The following SORCS1 variants were observed in gnomAD, a reference collection of about 807,000 sequenced individuals.
SORCS1 encodes VPS10 domain-containing receptor SorCS1.
Under a neutral mutation model 146.1 loss-of-function variants are expected in SORCS1, and 60 were observed. The observed-to-expected ratio is 0.41, with a 90% CI of 0.33 to 0.51. The LOEUF is 0.51. SORCS1 is among the 20% of genes least tolerant of loss of function. The pLI, the probability that SORCS1 is intolerant of heterozygous loss-of-function variation, is 0.21. For missense variants in SORCS1, 1,352 were observed against 1,487.6 expected (o/e 0.91, Z 1.50); for synonymous variants, 637 against 584.0 (o/e 1.09, Z -1.31).
At chr10:106,593,495 C>A (rs754872496) in intron 24 of SORCS1, among the ~76,000 whole-genome samples, 1 of 152,140 alleles carries the variant, frequency 6.6e-6, no homozygotes, top group Non-Finnish European at 1.5e-5. Context: ...CTCAATATAG[C>A]AAAAGTTTCC....
At chr10:107,062,581 T>A (rs1000692426) in intron 1 of SORCS1, among the ~76,000 whole-genome samples, 2 of 152,130 alleles carry the variant, frequency 1.3e-5, no homozygotes, top group Non-Finnish European at 2.9e-5. Context: ...TAATGCAGCC[T>A]AGCTGGGACA....
chr10:106,843,876 C>T (rs1429844452), intron 2 of SORCS1, among the ~76,000 whole-genome samples: 1 of 152,206 alleles, frequency 6.6e-6, no homozygotes. Context: ...GAAGCACCAG[C>T]TATCTCAAGA....
chr10:107,144,115 T>G (rs1968090318), intron 1 of SORCS1, among the ~76,000 whole-genome samples: 2 of 152,194 alleles, frequency 1.3e-5, no homozygotes, highest in Admixed American at 1.3e-4. Flanking sequence ...TCTCATGTTT[T>G]CATCTGGAAA....
chr10:107,045,140 A>C (rs1959255983), intron 1 of SORCS1, among the ~76,000 whole-genome samples: 5 of 152,190 alleles, frequency 3.3e-5, no homozygotes, highest in Admixed American at 3.3e-4. Flanking sequence ...TTATTCTGCA[A>C]TGGGGAACTG....
intron 2 of SORCS1, among the ~76,000 whole-genome samples, chr10:106,943,140 A>T (rs1383015136): frequency 6.6e-6 from 1 of 152,096 alleles, no homozygotes; most frequent in Non-Finnish European, 1.5e-5. Flanking sequence ...AGCTGAGCCA[A>T]TGTCTTCTGC....
chr10:106,603,204 C>A (rs1016635210), intron 23 of SORCS1, among the ~76,000 whole-genome samples: 2 of 152,118 alleles, frequency 1.3e-5, no homozygotes, highest in African/African-American at 4.8e-5. Context: ...CCTGAGGACT[C>A]CGAGGGGAGC....
intron 1 of SORCS1, among the ~76,000 whole-genome samples, chr10:107,107,561 T>A (rs1335123726): frequency 6.6e-6 from 1 of 152,128 alleles, no homozygotes; most frequent in Admixed American, 6.5e-5. Context: ...AGAAATGAGG[T>A]AACATCAGCA....
At chr10:107,032,130 T>C (rs117361094) in intron 1 of SORCS1, among the ~76,000 whole-genome samples, 2,121 of 152,286 alleles carry the variant, frequency 0.014, 30 homozygotes, top group Middle Eastern at 0.027. Flanking sequence ...GATTGCAGTT[T>C]GAATTGGATC....
intron 5 of SORCS1, among the ~76,000 whole-genome samples, chr10:106,742,979 G>GTT (rs972260467): frequency 9.8e-5 from 15 of 152,288 alleles, no homozygotes; most frequent in African/African-American, 3.6e-4. Context: ...GGCTGTGCCA[G>GTT]TTTGCTTTTG....
chr10:106,694,462 G>A (rs1564866591), intron 9 of SORCS1, among the ~76,000 whole-genome samples: 1 of 152,028 alleles, frequency 6.6e-6, no homozygotes. Context: ...GGCCAGGCTG[G>A]TCATAAACAC....
upstream of SORCS1, among the ~76,000 whole-genome samples, chr10:107,164,827 G>A (rs1466575643): frequency 6.8e-6 from 1 of 147,510 alleles, no homozygotes; most frequent in Non-Finnish European, 1.5e-5. The surrounding 1 kb of genome is among the most constrained non-coding windows in gnomAD (Gnocchi z 6.8). Context: ...AGGCGCTGCC[G>A]GGACTCCGGG....
intron 1 of SORCS1, among the ~76,000 whole-genome samples, chr10:106,994,086 A>AAAAAAAAAAAAAAAAAAAAAAAG (rs1554908001): frequency 1.5e-5 from 2 of 135,004 alleles, no homozygotes; most frequent in African/African-American, 7.0e-5. Context: ...AAAAAAAAAA[A>AAAAAAAAAAAAAAAAAAAAAAAG]AGAAAATGAG....
chr10:107,023,033 G>A (rs1379906461), intron 1 of SORCS1, among the ~76,000 whole-genome samples: 3 of 152,170 alleles, frequency 2.0e-5, no homozygotes, highest in African/African-American at 7.2e-5. Context: ...ACGATAAGTG[G>A]TCAGTCCAAG....
chr10:106,817,755 C>T (rs72825298), intron 3 of SORCS1, among the ~76,000 whole-genome samples: 176 of 152,272 alleles, frequency 1.2e-3, no homozygotes, highest in Non-Finnish European at 1.6e-3. Context: ...CATCTGTGAG[C>T]TCTCTGCAGA....
At chr10:106,816,302 A>G (rs550417981) in intron 3 of SORCS1, among the ~76,000 whole-genome samples, 1 of 152,362 alleles carries the variant, frequency 6.6e-6, no homozygotes, top group South Asian at 2.1e-4. Context: ...CAGACAAACT[A>G]GTTCTGGCTC....
intron 1 of SORCS1, among the ~76,000 whole-genome samples, chr10:107,049,344 C>T (rs1179403879): frequency 6.6e-6 from 1 of 150,742 alleles, no homozygotes; most frequent in Non-Finnish European, 1.5e-5. Flanking sequence ...GGGTGCAGCA[C>T]ACCAGCATGG....
chr10:107,010,799 T>G (rs1176042534), intron 1 of SORCS1, among the ~76,000 whole-genome samples: 1 of 152,166 alleles, frequency 6.6e-6, no homozygotes, highest in Non-Finnish European at 1.5e-5. Flanking sequence ...AATCGCAGTG[T>G]CTATTGGCAG....
intron 2 of SORCS1, among the ~76,000 whole-genome samples, chr10:106,916,814 A>G (rs1481985709): frequency 2.0e-5 from 3 of 151,998 alleles, no homozygotes; most frequent in Non-Finnish European, 4.4e-5. Flanking sequence ...CAGTGGCACG[A>G]TCTCAGCTCA....
rs766587005 is a variant in SORCS1 at position 106,579,470 on chromosome 10, G to C, written c.3270C>G (p.Pro1090=). Residue 1090 remains proline (P), a synonymous_variant, in exon 25 of 26, where the codon CCC becomes CCG. Coordinates refer to ENST00000263054, the MANE Select transcript of SORCS1 (RefSeq NM_052918.5). The part of the protein sequence containing the change: ...LVHAAHLTAA[P]LVDLTPTHSG... ...TGTGGGTTGGAGTGAGGTCCACCAGGGGGGCTTGTGGGGGAAACAGAGCAG... is the reference window on the plus strand; with the variant it reads ...TGTGGGTTGGAGTGAGGTCCACCAGCGGGGCTTGTGGGGGAAACAGAGCAG... The C allele has an allele frequency of 1.3e-5, 21 of 1,613,602 alleles. No homozygotes were observed. The highest frequency in any genetic ancestry group is 3.3e-5 in the Admixed American group (2 of 59,968).
Sources: allele counts gnomAD v4.1 joint callset (sites outside exome capture counted in the v4.1 genomes callset), GRCh38; gene constraint gnomAD v4.1.1; non-coding constraint Gnocchi (gnomAD v3.1); transcripts MANE v1.5; gene names NCBI Gene and HGNC (gene_info 2026-07-23, HGNC 2026-07-21).